The following PCDHGB4 variants were observed in gnomAD, a reference collection of about 807,000 sequenced individuals.
PCDHGB4 encodes protocadherin gamma-B4.
A neutral mutation model predicts 60.5 loss-of-function variants in PCDHGB4; 38 were observed. That is an observed-to-expected ratio of 0.63 (90% CI 0.48 to 0.82). PCDHGB4 has a LOEUF of 0.82. Among genes scored for constraint, PCDHGB4 ranks in the 40% least tolerant of loss-of-function variants. The pLI is 0.00. For synonymous variants in PCDHGB4, 456 were observed against 509.7 expected (o/e 0.89, Z 1.42); for missense variants, 1,109 against 1,209.6 (o/e 0.92, Z 1.23).
intron 1 of PCDHGB4, chr5:141,403,432 G>A: frequency 1.2e-6 from 2 of 1,614,018 alleles, no homozygotes; most frequent in Non-Finnish European, 1.7e-6. Flanking sequence ...CTATTGATCC[G>A]GATGTTGGCG....
At chr5:141,500,436 C>G (rs1318326111) in intron 2 of PCDHGB4, among the ~76,000 whole-genome samples, 2 of 151,836 alleles carry the variant, frequency 1.3e-5, no homozygotes, top group African/African-American at 2.4e-5. Flanking sequence ...GTCTCGATCT[C>G]CTGACCTCGT....
chr5:141,419,923 G>A, intron 1 of PCDHGB4: 4 of 1,614,088 alleles, frequency 2.5e-6, no homozygotes, highest in Non-Finnish European at 3.4e-6. Flanking sequence ...AGGCTGAGAT[G>A]CAGTTTTACC....
Position 141,491,608 on chromosome 5 carries a change from C to T in PCDHGB4, c.2398-3199C>T. On this transcript the variant is annotated intron_variant, in intron 1 of 3. Transcript: ENST00000519479. This position sits in a 1 kb window ranked among gnomAD's most constrained non-coding sequence, Gnocchi z 6.9. Reference sequence around the variant, plus strand: ...CTCGGACGGCAGTGACTTCACTTTTCTAAGACCCCTCAGCGTTCAGCAGCC... The same window carrying T: ...CTCGGACGGCAGTGACTTCACTTTTTTAAGACCCCTCAGCGTTCAGCAGCC... 6.2e-7 allele frequency: 1 copy of T among 1,613,942 alleles called. No individual in the cohort carries two copies. The highest frequency in any genetic ancestry group is 1.1e-5 in the South Asian group (1 of 91,086).
At position 141,390,163 on chromosome 5, in the gene PCDHGB4, C is replaced by T. The variant is rs376391116; in HGVS notation, c.2279C>T (p.Thr760Met). The T allele has an allele frequency of 1.7e-5, 27 of 1,613,874 alleles. No homozygotes were observed. The highest frequency in any genetic ancestry group is 2.7e-5 in the African/African-American group (2 of 74,922). The change falls in exon 1 of 4, where the codon ACG becomes ATG. Residue 760 changes from threonine (T) to methionine (M), a missense_variant. This residue lies in a region of PCDHGB4 where 1,068 missense variants were observed against 1,089.9 expected (regional missense o/e 0.98). Transcript: ENST00000519479. ...CTATGTGTTGCACATACAGGAAAGA[C>T]GGAGTTTAATTTCCTAAAATGTAGT... ...YNLCVAHTGK[T>M]EFNFLKCSEQ...
rs767107885 is a variant in PCDHGB4, at chr5:141,423,138, C to T, written c.2397+32857C>T. ...CAGCGCGGGCACTGCTGGACAGAGA[C>T]GCGCTCAAGCAGAGCCTCGTGGTGG... On this transcript the variant is annotated intron_variant, in intron 1 of 3. Transcript: ENST00000519479. 2.5e-6 allele frequency: 4 copies of T among 1,613,606 alleles called. 1 individual carries two copies. The highest frequency in any genetic ancestry group is 3.4e-6 in the Non-Finnish European group (4 of 1,179,912).
At chr5:141,394,094 A>C (rs759909698) in intron 1 of PCDHGB4, 5 of 1,613,934 alleles carry the variant, frequency 3.1e-6, no homozygotes, top group Non-Finnish European at 3.4e-6. Flanking sequence ...CCTCAGATCT[A>C]GGAACACCAC....
chr5:141,479,469 C>T lies in PCDHGB4; in HGVS notation c.2398-15338C>T, dbSNP rs1218436564. 8 of 152,344 alleles carry T rather than the reference C, an allele frequency of 5.3e-5. No homozygotes were observed. In the East Asian group the frequency reaches 1.5e-3, roughly 29 times the overall value. 9.4% of individuals were successfully genotyped at this position (152,344 alleles called of 1,614,324 possible). On this transcript the variant is annotated intron_variant, in intron 1 of 3. Transcript: ENST00000519479. ...AAGTTCAGCATGAATACAGTGACCT[C>T]TTGGGAGGGCAGGACCATCAGGTTG...
chr5:141,427,881 C>A, intron 1 of PCDHGB4: 1 of 1,563,720 alleles, frequency 6.4e-7, no homozygotes, highest in African/African-American at 1.3e-5. Context: ...GATGCAGGCC[C>A]ACGACCAGGG....
chr5:141,506,372 C>A (rs1243713695), intron 3 of PCDHGB4, among the ~76,000 whole-genome samples: 1 of 151,402 alleles, frequency 6.6e-6, no homozygotes, highest in Non-Finnish European at 1.5e-5. Context: ...TCGCTTGAAC[C>A]TGGGAGGTGG....
At chr5:141,449,837 T>A (rs917239289) in intron 1 of PCDHGB4, among the ~76,000 whole-genome samples, 3 of 151,742 alleles carry the variant, frequency 2.0e-5, no homozygotes, top group Non-Finnish European at 4.4e-5. Context: ...TTCTTTTATA[T>A]AATTAAATTT....
Position 141,487,302 on chromosome 5 carries a change from C to T in PCDHGB4, c.2398-7505C>T, listed in dbSNP as rs763268817. 3.7e-6 allele frequency: 6 copies of T among 1,614,154 alleles called. No homozygotes were observed. The highest frequency in any genetic ancestry group is 3.4e-6 in the Non-Finnish European group (4 of 1,180,002). On this transcript the variant is annotated intron_variant, in intron 1 of 3. Transcript: ENST00000519479. This position sits in a 1 kb window ranked among gnomAD's most constrained non-coding sequence, Gnocchi z 5.0. ...TTTGTCTCCTTTGGCTCATTCGTGGCACTACTCTCTAAGTGTCTTCGTGGG... is the reference window on the plus strand; with the variant it reads ...TTTGTCTCCTTTGGCTCATTCGTGGTACTACTCTCTAAGTGTCTTCGTGGG...
chr5:141,420,187 C>G (rs1369031488), intron 1 of PCDHGB4: 1 of 1,613,706 alleles, frequency 6.2e-7, no homozygotes, highest in East Asian at 2.2e-5. Context: ...ATTGTCCAGC[C>G]ACACAAGATA....
At chr5:141,414,508 C>T in intron 1 of PCDHGB4, 1 of 1,613,970 alleles carries the variant, frequency 6.2e-7, no homozygotes, top group Non-Finnish European at 8.5e-7. Context: ...CTTTATGCTA[C>T]AAGTGGCAGA....
intron 1 of PCDHGB4, chr5:141,417,735 C>T (rs1408012587): frequency 1.4e-6 from 2 of 1,398,382 alleles, no homozygotes; most frequent in African/African-American, 2.9e-5. Flanking sequence ...CCTTGCCCAG[C>T]ACACCAGATT....
intron 1 of PCDHGB4, among the ~76,000 whole-genome samples, chr5:141,438,564 T>A (rs1192918137): frequency 1.5e-5 from 2 of 137,114 alleles, no homozygotes; most frequent in Non-Finnish European, 3.1e-5. Flanking sequence ...AAGAGGCAGC[T>A]GTCTGATATA....
intron 1 of PCDHGB4, among the ~76,000 whole-genome samples, chr5:141,467,824 G>A (rs1272399938): frequency 2.0e-5 from 3 of 151,798 alleles, no homozygotes; most frequent in Non-Finnish European, 4.4e-5. Flanking sequence ...ACACCAGGCT[G>A]ATTTTTATAT....
intron 1 of PCDHGB4, chr5:141,422,139 A>C: frequency 1.9e-6 from 3 of 1,588,154 alleles, no homozygotes; most frequent in Non-Finnish European, 2.6e-6. Context: ...AAGTTCAAGT[A>C]CGGGGGTCTC....
In PCDHGB4 at chr5:141,491,091, A is replaced by T; in HGVS notation, c.2398-3716A>T. ...TGTTGCCACAGTCCACAGCCCCAGG[A>T]CTGTTCCTCGTGTCTACACACACTG... On this transcript the variant is annotated intron_variant, in intron 1 of 3. Transcript: ENST00000519479. This position sits in a 1 kb window ranked among gnomAD's most constrained non-coding sequence, Gnocchi z 6.9. The T allele has an allele frequency of 6.2e-7, 1 of 1,614,032 alleles. No individual in the cohort carries two copies. Among genetic ancestry groups the T allele is most frequent in the Non-Finnish European group, 8.5e-7 (1 of 1,180,000 alleles).
At position 141,390,221 on chromosome 5, in the gene PCDHGB4, C is replaced by T. The variant is rs764241687; in HGVS notation, c.2337C>T (p.Cys779=). Residue 779 remains cysteine (C), a synonymous_variant, in exon 1 of 4, where the codon TGC becomes TGT. Coordinates refer to ENST00000519479, the MANE Select transcript of PCDHGB4 (RefSeq NM_003736.4). ...EQLSSGQDIL[C]GDSSGALFPL... is the part of the protein sequence containing the mutation. ...TGAGTTCAGGACAAGACATACTTTG[C>T]GGTGATTCATCTGGGGCCTTATTTC... 5.8e-5 allele frequency: 94 copies of T among 1,614,004 alleles called. No homozygotes were observed. The highest frequency in any genetic ancestry group is 2.0e-4 in the African/African-American group (15 of 75,040).
Sources: allele counts gnomAD v4.1 joint callset (sites outside exome capture counted in the v4.1 genomes callset), GRCh38; gene constraint gnomAD v4.1.1; regional missense constraint gnomAD v4.1.1; non-coding constraint Gnocchi (gnomAD v3.1); transcripts MANE v1.5; gene names NCBI Gene and HGNC (gene_info 2026-07-23, HGNC 2026-07-21).